The following SLCO1A2 variants were observed in gnomAD, a reference collection of about 807,000 sequenced individuals.
SLCO1A2 encodes the protein solute carrier organic anion transporter family member 1A2, also known as OATP-1.
Under a neutral mutation model 69.0 loss-of-function variants are expected in SLCO1A2, and 67 were observed. The observed-to-expected ratio is 0.97, with a 90% confidence interval of 0.80 to 1.19. The LOEUF (loss-of-function observed/expected upper bound fraction) is 1.19. Ranked by LOEUF, SLCO1A2 falls within the 50% of genes most tolerant of loss-of-function variation. The pLI is 0.00. For synonymous variants in SLCO1A2, 260 were observed against 265.9 expected, an observed-to-expected ratio of 0.98 and a Z score of 0.22; for missense variants, 787 against 793.7, an observed-to-expected ratio of 0.99 and a Z score of 0.10.
chr12:21,330,764 A>C (rs1012133654), intron 2 of SLCO1A2, among the ~76,000 whole-genome samples: 20 of 152,194 alleles, frequency 1.3e-4, no homozygotes, highest in Non-Finnish European at 2.6e-4. Context: ...GTGTACTTTT[A>C]ATATCAAAGT....
Position 21,306,888 on chromosome 12 carries a change from G to T in SLCO1A2, c.436C>A (p.Pro146Thr), listed in dbSNP as rs1307468665. ...GTQILRPTQD[P>T]SECTKEVKSL... ...ATACAATGAAGTAGACAACCTGATG[G>T]ATCCTGCGTTGGTCTTAAAATCTGG... Residue 146 changes from proline (P) to threonine (T), a missense_variant, in exon 5 of 15, where the codon CCA (proline) becomes ACA (threonine). Physicochemically the swap from Pro to Thr is conservative, Grantham distance 38. Transcript: ENST00000683939. 3 of 1,611,636 alleles carry T rather than the reference G, an allele frequency of 1.9e-6. No homozygotes were observed. The highest frequency in any genetic ancestry group is 3.3e-5 in the Admixed American group (2 of 59,984).
At chr12:21,370,987 C>T (rs900345637) in intron 2 of SLCO1A2, among the ~76,000 whole-genome samples, 3 of 152,198 alleles carry the variant, frequency 2.0e-5, no homozygotes, top group Non-Finnish European at 4.4e-5. Flanking sequence ...ACAGCTCTGG[C>T]ATTTATAACT....
chr12:21,393,465 T>C (rs1194565635), intron 1 of SLCO1A2, among the ~76,000 whole-genome samples: 3 of 152,208 alleles, frequency 2.0e-5, no homozygotes, highest in Non-Finnish European at 4.4e-5. Context: ...AATATAGATA[T>C]AAAATTCTCA....
At chr12:21,404,117 A>G (rs1941783893) in intron 1 of SLCO1A2, among the ~76,000 whole-genome samples, 1 of 152,164 alleles carries the variant, frequency 6.6e-6, no homozygotes, top group Non-Finnish European at 1.5e-5. Flanking sequence ...TTATTGTATC[A>G]GTAACTTTCT....
At chr12:21,408,304 A>G (rs1310143226) in intron 1 of SLCO1A2, among the ~76,000 whole-genome samples, 1 of 151,978 alleles carries the variant, frequency 6.6e-6, no homozygotes, top group East Asian at 1.9e-4. Flanking sequence ...CTTTGTGTCT[A>G]TCAACCTCCC....
intron 1 of SLCO1A2, among the ~76,000 whole-genome samples, chr12:21,385,426 A>G (rs573259027): frequency 6.6e-6 from 1 of 152,324 alleles, no homozygotes; most frequent in South Asian, 2.1e-4. Context: ...TAAAAGACAA[A>G]TCCTTCTTGA....
intron 2 of SLCO1A2, chr12:21,373,491 T>A: frequency 9.1e-7 from 1 of 1,102,146 alleles, no homozygotes; most frequent in Admixed American, 1.7e-5. Context: ...AAAATTAGAA[T>A]TAAATACTGT....
At chr12:21,344,439 A>G (rs893423514) in intron 2 of SLCO1A2, among the ~76,000 whole-genome samples, 3 of 152,080 alleles carry the variant, frequency 2.0e-5, no homozygotes, top group African/African-American at 7.2e-5. Flanking sequence ...TCCAATTAAT[A>G]AATTCATAAC....
chr12:21,368,110 C>T (rs1382830046), intron 2 of SLCO1A2, among the ~76,000 whole-genome samples: 1 of 152,072 alleles, frequency 6.6e-6, no homozygotes, highest in East Asian at 1.9e-4. Context: ...GCTATCTGAA[C>T]CCACTGATCA....
intron 1 of SLCO1A2, among the ~76,000 whole-genome samples, chr12:21,406,871 A>C (rs564086367): frequency 6.6e-6 from 1 of 152,320 alleles, no homozygotes; most frequent in East Asian, 1.9e-4. Context: ...AAATATGTAT[A>C]AACTGTTAGA....
intron 12 of SLCO1A2, among the ~76,000 whole-genome samples, chr12:21,281,221 G>T (rs934896325): frequency 2.6e-5 from 4 of 152,092 alleles, no homozygotes; most frequent in African/African-American, 9.7e-5. Context: ...GGAGGCTGAG[G>T]TGGGTGGATC....
chr12:21,364,930 G>C (rs1039180788), intron 2 of SLCO1A2, among the ~76,000 whole-genome samples: 8 of 152,122 alleles, frequency 5.3e-5, no homozygotes, highest in African/African-American at 1.7e-4. Context: ...TTTCATGCTC[G>C]TGGATAGGAA....
intron 2 of SLCO1A2, chr12:21,373,818 C>A (rs1297000303): frequency 1.2e-5 from 7 of 605,044 alleles, no homozygotes; most frequent in South Asian, 4.3e-5. Context: ...CAAGTGGATT[C>A]TTTTTGTATA....
intron 2 of SLCO1A2, among the ~76,000 whole-genome samples, chr12:21,319,966 G>A (rs1951397387): frequency 6.6e-6 from 1 of 152,126 alleles, no homozygotes; most frequent in East Asian, 1.9e-4. Context: ...AGTATAGTTA[G>A]GTAGATTAAT....
chr12:21,271,069 T>C (rs7967354), intron 14 of SLCO1A2, among the ~76,000 whole-genome samples: 41,624 of 151,670 alleles, frequency 0.27, 7,038 homozygotes, highest in African/African-American at 0.48. Context: ...AAGCCTATGG[T>C]AATCCAGTAT....
intron 2 of SLCO1A2, among the ~76,000 whole-genome samples, chr12:21,326,804 T>C (rs1390968399): frequency 6.6e-6 from 1 of 152,158 alleles, no homozygotes; most frequent in Non-Finnish European, 1.5e-5. Flanking sequence ...CACAAAGATA[T>C]GGTTTGAAAT....
chr12:21,280,674 A>G (rs1944623778), intron 12 of SLCO1A2, among the ~76,000 whole-genome samples: 1 of 143,530 alleles, frequency 7.0e-6, no homozygotes. Flanking sequence ...CAGATCTTCC[A>G]GACCAAAAAA....
chr12:21,299,820 A>G (rs1350899939), intron 8 of SLCO1A2, among the ~76,000 whole-genome samples: 2 of 109,802 alleles, frequency 1.8e-5, no homozygotes, highest in Non-Finnish European at 3.1e-5. Flanking sequence ...ACACACACAC[A>G]TATACACACA....
intron 1 of SLCO1A2, among the ~76,000 whole-genome samples, chr12:21,390,542 C>T (rs1319712081): frequency 6.6e-6 from 1 of 152,110 alleles, no homozygotes; most frequent in Non-Finnish European, 1.5e-5. Flanking sequence ...CTACATTTTC[C>T]TATTTTTTTT....
Sources: gnomAD v4.1 joint callset for allele counts (sites outside exome capture counted in the v4.1 genomes callset) on GRCh38, gnomAD v4.1.1 for gene constraint, MANE v1.5 for transcripts, NCBI Gene and HGNC (gene_info 2026-07-23, HGNC 2026-07-21) for gene names.